DPP10: variants seen among roughly 807,000 people sequenced by gnomAD.
DPP10 encodes inactive dipeptidyl peptidase 10.
A neutral mutation model predicts 120.9 loss-of-function variants in DPP10; 33 were observed. That is an observed-to-expected ratio of 0.27 (90% confidence interval 0.21 to 0.37). The LOEUF is 0.37. Ranked by LOEUF, DPP10 falls within the 10% of genes least tolerant of loss-of-function variation. The probability of loss-of-function intolerance (pLI) is 1.00; values close to 1 mark genes in which losing one functional copy is unlikely to be tolerated. For synonymous variants in DPP10, 337 were observed against 326.1 expected, an observed-to-expected ratio of 1.03 and a Z score of -0.36; for missense variants, 816 against 942.8, an observed-to-expected ratio of 0.87 and a Z score of 1.76.
intron 5 of DPP10, among the ~76,000 whole-genome samples, chr2:115,582,425 T>G (rs530396212): frequency 7.2e-5 from 11 of 152,306 alleles, no homozygotes; most frequent in African/African-American, 2.6e-4. Context: ...CATCACCAGC[T>G]TCAGGTGTTT....
At position 114,922,697 on chromosome 2, in the gene DPP10, T is replaced by C. The variant is rs10185426; in HGVS notation, c.61-386542T>C. 9.8e-3 allele frequency among the ~76,000 whole-genome samples: 1,500 copies of C among 152,316 alleles called. 19 individuals are homozygous for C. The highest frequency in any genetic ancestry group is 0.035 in the African/African-American group (1,446 of 41,562). On this transcript the variant is annotated intron_variant, in intron 1 of 25. Transcript: ENST00000410059. ...TTAGAATAATACTTTCAATATTTTTTTTCATGTTGTACCGTGAATCAACAA... is the reference window on the plus strand; with the variant it reads ...TTAGAATAATACTTTCAATATTTTTCTTCATGTTGTACCGTGAATCAACAA...
chr2:115,546,275 A>G (rs2079494394), intron 5 of DPP10, among the ~76,000 whole-genome samples: 2 of 152,094 alleles, frequency 1.3e-5, no homozygotes, highest in Admixed American at 1.3e-4. Flanking sequence ...TAACTGAATT[A>G]TTTATCAAGC....
chr2:115,189,505 G>A (rs2054709957), intron 1 of DPP10, among the ~76,000 whole-genome samples: 1 of 152,148 alleles, frequency 6.6e-6, no homozygotes, highest in Admixed American at 6.5e-5. Context: ...ACTTTAAAAT[G>A]GAGCATCAAA....
At chr2:115,320,887 G>A (rs1167884971) in intron 2 of DPP10, among the ~76,000 whole-genome samples, 1 of 152,008 alleles carries the variant, frequency 6.6e-6, no homozygotes, top group African/African-American at 2.4e-5. Flanking sequence ...CATTTTTGGA[G>A]GGCAGTTCTA....
At chr2:114,556,269 A>ATG (rs70937289) in intron 1 of DPP10, among the ~76,000 whole-genome samples, 5 of 139,452 alleles carry the variant, frequency 3.6e-5, no homozygotes, top group South Asian at 4.7e-4. Flanking sequence ...ATATATATAT[A>ATG]GGCAAATAAT....
chr2:114,524,586 C>A (rs979395917), intron 1 of DPP10, among the ~76,000 whole-genome samples: 15 of 152,162 alleles, frequency 9.9e-5, no homozygotes, highest in Non-Finnish European at 2.1e-4. Flanking sequence ...AGTGGGAATA[C>A]AAAGGTGAGG....
rs148438282 is a variant in DPP10 at position 115,665,890 on chromosome 2, T to C, written c.442-23797T>C. Among the ~76,000 whole-genome samples the C allele has an allele frequency of 2.1e-4, 32 of 152,320 alleles. No homozygotes were observed. The East Asian group carries it at 5.6e-3, about 27-fold the overall frequency. On this transcript the variant is annotated intron_variant, in intron 5 of 25. Transcript: ENST00000410059. The stretch of plus-strand genomic sequence containing the variant: ...TCCAGCATTTCTTTTTTTTAATTTC[T>C]TTTTTATAAATTGTTTATTTTAGGT...
At chr2:114,598,819 G>C (rs1444718264) in intron 1 of DPP10, among the ~76,000 whole-genome samples, 1 of 151,816 alleles carries the variant, frequency 6.6e-6, no homozygotes, top group Non-Finnish European at 1.5e-5. Flanking sequence ...CAAAGTGGGA[G>C]ACTCTTGAGG....
chr2:115,161,248 G>A (rs2052305730), intron 1 of DPP10: 1 of 152,310 alleles, frequency 6.6e-6, no homozygotes, highest in Non-Finnish European at 1.5e-5. Flanking sequence ...CTCGGGTCCC[G>A]ACAGGTGTTG....
rs999926763 is a variant in DPP10, at chr2:114,812,637, C to A, written c.60+369799C>A. 2.8e-5 allele frequency among the ~76,000 whole-genome samples: 4 copies of A among 141,394 alleles called. No individual in the cohort carries two copies. The East Asian group carries it at 5.9e-4, about 21-fold the overall frequency. The allele number at this position is 141,394 out of a possible 152,430, so 92.8% of individuals were successfully genotyped here. A position where few individuals can be genotyped will look rare whatever the true frequency, so the allele number is the denominator to read the frequency against. On this transcript the variant is annotated intron_variant, in intron 1 of 25. Transcript: ENST00000410059. ...ACACACAATTATAATTAAAAAAAAA[C>A]GAGCAGTATCAATGTCTTTGTTCTC...
chr2:115,145,265 C>T (rs2051159171), intron 1 of DPP10, among the ~76,000 whole-genome samples: 1 of 152,068 alleles, frequency 6.6e-6, no homozygotes, highest in South Asian at 2.1e-4. Flanking sequence ...AGAATAGTTT[C>T]CTGTTCCTAA....
rs1558982824 is a variant in DPP10, at chr2:114,664,981, G to GAGAGCATCCAAAAGATGGCAC, written c.60+222151_60+222171dup. On this transcript the variant is annotated intron_variant, in intron 1 of 25. Coordinates refer to ENST00000410059, the MANE Select transcript of DPP10 (RefSeq NM_020868.6). ...GGCATAGAGCATCCAAAAGATGGCA[G>GAGAGCATCCAAAAGATGGCAC]AGAGCATCCAAAAGATGGCACAGAG... Among the ~76,000 whole-genome samples the GAGAGCATCCAAAAGATGGCAC allele has an allele frequency of 5.8e-4, 61 of 105,106 alleles. 1 individual carries two copies. The highest frequency in any genetic ancestry group is 4.4e-3 in the African/African-American group (54 of 12,198). The allele number at this position is 105,106 out of a possible 152,430, so 69.0% of individuals were successfully genotyped here. A position where few individuals can be genotyped will look rare whatever the true frequency, so the allele number is the denominator to read the frequency against.
chr2:115,540,407 G>C (rs1053783885), intron 5 of DPP10, among the ~76,000 whole-genome samples: 4 of 151,812 alleles, frequency 2.6e-5, no homozygotes, highest in Admixed American at 1.3e-4. Flanking sequence ...GCACATTATA[G>C]TCATTTGTTT....
At chr2:115,339,623 G>A (rs1437292607) in intron 2 of DPP10, among the ~76,000 whole-genome samples, 2 of 152,100 alleles carry the variant, frequency 1.3e-5, no homozygotes, top group Non-Finnish European at 2.9e-5. Flanking sequence ...ATATTACTCA[G>A]CCATCAAAAG....
At chr2:114,546,104 C>T (rs1371724585) in intron 1 of DPP10, among the ~76,000 whole-genome samples, 1 of 152,052 alleles carries the variant, frequency 6.6e-6, no homozygotes, top group Non-Finnish European at 1.5e-5. Context: ...TTCAGCATTC[C>T]CCCCTGTATC....
At chr2:114,915,522 A>G (rs1229890469) in intron 1 of DPP10, among the ~76,000 whole-genome samples, 1 of 152,214 alleles carries the variant, frequency 6.6e-6, no homozygotes, top group African/African-American at 2.4e-5. Context: ...AGAACAATCC[A>G]TCCAACAGTA....
intron 1 of DPP10, among the ~76,000 whole-genome samples, chr2:115,267,158 G>C (rs1410366361): frequency 2.0e-5 from 3 of 152,100 alleles, no homozygotes; most frequent in Non-Finnish European, 4.4e-5. Flanking sequence ...TGGAGGAATT[G>C]TTCTTGTGTC....
At chr2:115,634,808 A>G (rs79064942) in intron 5 of DPP10, among the ~76,000 whole-genome samples, 2,876 of 152,312 alleles carry the variant, frequency 0.019, 99 homozygotes, top group African/African-American at 0.065. Context: ...CAAAGCCAGC[A>G]GGGGCAAAGA....
intron 1 of DPP10, among the ~76,000 whole-genome samples, chr2:114,821,904 G>T (rs931411057): frequency 6.6e-6 from 1 of 152,182 alleles, no homozygotes; most frequent in African/African-American, 2.4e-5. Context: ...GCAGAGTACA[G>T]CTCCCCTCTT....
Sources: allele counts gnomAD v4.1 joint callset (sites outside exome capture counted in the v4.1 genomes callset), GRCh38; gene constraint gnomAD v4.1.1; transcripts MANE v1.5; gene names NCBI Gene and HGNC (gene_info 2026-07-23, HGNC 2026-07-21).